SDK1: variants seen among roughly 807,000 people sequenced by gnomAD.
The protein encoded by SDK1 is protein sidekick-1.
In SDK1, 157 loss-of-function variants were observed where a neutral mutation model predicts 245.5. The observed-to-expected ratio is 0.64, with a 90% CI of 0.56 to 0.73. SDK1 has a LOEUF of 0.73. Ranked by LOEUF, SDK1 falls within the 30% of genes least tolerant of loss-of-function variation. SDK1 has a pLI of 0.00. For missense variants in SDK1, 3,583 were observed against 3,002.3 expected (o/e 1.19, Z -4.52); for synonymous variants, 1,647 against 1,278.5 (o/e 1.29, Z -6.15).
At chr7:3,425,969 A>T (rs1262818468) in intron 1 of SDK1, among the ~76,000 whole-genome samples, 1 of 152,238 alleles carries the variant, frequency 6.6e-6, no homozygotes. Context: ...TCCCCTTCTC[A>T]AAAGATTTTT....
At chr7:4,243,002 G>C (rs1294340219) in intron 43 of SDK1, among the ~76,000 whole-genome samples, 1 of 152,224 alleles carries the variant, frequency 6.6e-6, no homozygotes. Context: ...GTGGATGCTG[G>C]TGGTGACATC....
chr7:3,756,813 G>C (rs539125535), intron 4 of SDK1, among the ~76,000 whole-genome samples: 1 of 152,190 alleles, frequency 6.6e-6, no homozygotes, highest in Non-Finnish European at 1.5e-5. Flanking sequence ...TTAGACTGGG[G>C]TTATGGATTT....
chr7:4,258,900 T>A (rs538942099), intron 44 of SDK1, among the ~76,000 whole-genome samples: 1 of 152,354 alleles, frequency 6.6e-6, no homozygotes, highest in Admixed American at 6.5e-5. Context: ...CTAAATATTC[T>A]GTGAATTTCT....
chr7:3,455,779 A>C (rs955815735), intron 1 of SDK1, among the ~76,000 whole-genome samples: 1 of 152,214 alleles, frequency 6.6e-6, no homozygotes, highest in African/African-American at 2.4e-5. Context: ...CTTTTCATAT[A>C]AATTTTTAAA....
chr7:3,381,783 G>A (rs993902811), intron 1 of SDK1, among the ~76,000 whole-genome samples: 4 of 152,114 alleles, frequency 2.6e-5, no homozygotes, highest in East Asian at 1.9e-4. Flanking sequence ...CATGAAATGC[G>A]GGTAATTGGG....
chr7:3,613,830 A>G (rs1202225), intron 1 of SDK1, among the ~76,000 whole-genome samples: 51,095 of 152,130 alleles, frequency 0.34, 9,419 homozygotes, highest in Non-Finnish European at 0.43. Flanking sequence ...TTGCAGGGAG[A>G]TGGATGGAGC....
rs1213882179 is a variant in SDK1, at chr7:4,077,268, T to A, written c.3202+79T>A. On this transcript the variant is annotated intron_variant, in intron 21 of 44. Coordinates refer to ENST00000404826, the MANE Select transcript of SDK1 (RefSeq NM_152744.4). ...CGAGGCTAGAAGTTGATTGGCACTT[T>A]GGTGTGGAAGCCACTGAGTGCCTTG... 35 of 1,398,022 alleles carry A rather than the reference T, an allele frequency of 2.5e-5. No individual in the cohort carries two copies. In the East Asian group the frequency reaches 6.3e-4, roughly 25 times the overall value. The allele number at this position is 1,398,022 out of a possible 1,614,324, so 86.6% of individuals were successfully genotyped here.
chr7:3,654,009 G>C (rs1227368838), intron 4 of SDK1, among the ~76,000 whole-genome samples: 2 of 152,154 alleles, frequency 1.3e-5, no homozygotes, highest in Non-Finnish European at 2.9e-5. Flanking sequence ...AGGTATGCAG[G>C]GGTGTTCAGG....
Position 4,266,515 on chromosome 7 carries a change from G to T in SDK1, c.*1131G>T, listed in dbSNP as rs1034608877. 1 of 985,366 alleles carries T rather than the reference G, an allele frequency of 1.0e-6. No individual in the cohort carries two copies. The allele number at this position is 985,366 out of a possible 1,614,324, so 61.0% of individuals were successfully genotyped here. ...CTTCTCCACCACTGGCGCTGCTGCT[G>T]CCCCCTCTCCCAGTCCGAGGCCAGC... is the stretch of plus-strand genomic sequence containing the variant. On this transcript the variant is annotated 3_prime_UTR_variant, in exon 45 of 45. Transcript: ENST00000404826.
At chr7:3,745,190 T>G (rs1319867217) in intron 4 of SDK1, among the ~76,000 whole-genome samples, 5 of 152,230 alleles carry the variant, frequency 3.3e-5, no homozygotes, top group African/African-American at 1.2e-4. Flanking sequence ...CAAAGTCACT[T>G]AGCTCAGTTT....
chr7:3,481,947 A>G (rs1781534948), intron 1 of SDK1, among the ~76,000 whole-genome samples: 1 of 152,246 alleles, frequency 6.6e-6, no homozygotes, highest in African/African-American at 2.4e-5. Flanking sequence ...CTTTATGGAA[A>G]TAAATTATTA....
intron 1 of SDK1, among the ~76,000 whole-genome samples, chr7:3,499,882 A>G (rs548902175): frequency 4.1e-4 from 62 of 152,292 alleles, no homozygotes; most frequent in African/African-American, 1.4e-3. Flanking sequence ...TGACAGAAGT[A>G]TGTTTGTAAG....
intron 1 of SDK1, among the ~76,000 whole-genome samples, chr7:3,556,672 T>C (rs998144651): frequency 6.6e-6 from 1 of 151,374 alleles, no homozygotes; most frequent in Non-Finnish European, 1.5e-5. Flanking sequence ...AATACAAAAA[T>C]TAAGCCAGGT....
chr7:3,367,500 G>C (rs1365286906), intron 1 of SDK1, among the ~76,000 whole-genome samples: 1 of 152,060 alleles, frequency 6.6e-6, no homozygotes, highest in Non-Finnish European at 1.5e-5. Flanking sequence ...TGCCATTCCC[G>C]GCATTTCATC....
intron 1 of SDK1, among the ~76,000 whole-genome samples, chr7:3,474,100 T>C (rs960098056): frequency 1.6e-5 from 2 of 126,080 alleles, no homozygotes; most frequent in African/African-American, 6.2e-5. Context: ...TGTTTTTTTT[T>C]TTTTTTTTTT....
In SDK1 at chr7:3,947,891, T is replaced by C. The variant is rs1044832119; in HGVS notation, c.848-3032T>C. Among the ~76,000 whole-genome samples the C allele has an allele frequency of 2.6e-4, 39 of 152,052 alleles. 1 individual carries two copies. The highest frequency in any genetic ancestry group is 8.8e-5 in the Non-Finnish European group (6 of 67,988). ...AAAGACATGGAGCTCAAAACTAAGATAAAACACTAACAGATTTAGGGGAGA... is the reference window on the plus strand; with the variant it reads ...AAAGACATGGAGCTCAAAACTAAGACAAAACACTAACAGATTTAGGGGAGA... On this transcript the variant is annotated intron_variant, in intron 5 of 44. Transcript: ENST00000404826.
intron 1 of SDK1, among the ~76,000 whole-genome samples, chr7:3,431,801 A>G (rs986202432): frequency 2.6e-4 from 39 of 152,288 alleles, no homozygotes; most frequent in African/African-American, 9.4e-4. Flanking sequence ...TCTACCTGAT[A>G]GAAACATAGG....
intron 1 of SDK1, among the ~76,000 whole-genome samples, chr7:3,458,721 A>G (rs940647845): frequency 6.6e-6 from 1 of 152,092 alleles, no homozygotes; most frequent in African/African-American, 2.4e-5. Context: ...TAACATAATC[A>G]TCCTTTCTCC....
At chr7:3,786,632 T>G (rs763181608) in intron 4 of SDK1, among the ~76,000 whole-genome samples, 2 of 152,208 alleles carry the variant, frequency 1.3e-5, no homozygotes, top group Non-Finnish European at 2.9e-5. Flanking sequence ...TGAAATACAG[T>G]ACAGCCTATT....
Sources: gnomAD v4.1 joint callset for allele counts (sites outside exome capture counted in the v4.1 genomes callset) on GRCh38, gnomAD v4.1.1 for gene constraint, MANE v1.5 for transcripts, NCBI Gene and HGNC (gene_info 2026-07-23, HGNC 2026-07-21) for gene names.